KCNH2: variants seen among roughly 807,000 people sequenced by gnomAD.
KCNH2 encodes potassium voltage-gated channel subfamily H member 2.
In KCNH2, 35 loss-of-function variants were observed where a neutral mutation model predicts 95.9. The observed-to-expected ratio is 0.37, with a 90% CI of 0.28 to 0.48. The LOEUF (loss-of-function observed/expected upper bound fraction) is 0.48, where lower values mean the gene tolerates loss of function less well. KCNH2 is among the 20% of genes least tolerant of loss of function. KCNH2 has a pLI of 0.99. For synonymous variants in KCNH2, 786 were observed against 754.7 expected (o/e 1.04, Z -0.68); for missense variants, 1,274 against 1,702.9 (o/e 0.75, Z 4.43).
At chr7:150,973,166 G>A (rs1801883469) in intron 2 of KCNH2, among the ~76,000 whole-genome samples, 1 of 152,168 alleles carries the variant, frequency 6.6e-6, no homozygotes, top group African/African-American at 2.4e-5. Flanking sequence ...CAGGACTTAT[G>A]GGTTCATATT....
rs761585108 is a variant in KCNH2 at position 150,947,640 on chromosome 7, G to C, written c.2931C>G (p.Cys977Trp). The C allele has an allele frequency of 3.7e-6, 6 of 1,612,130 alleles. No homozygotes were observed. In the East Asian group the frequency reaches 8.9e-5, roughly 24 times the overall value. The stretch of plus-strand genomic sequence containing the variant: ...GGTTGCAAGTGTCGCTGCTCTTCTC[G>C]CAGTCCTCCATCAGGGGCTCCCCAC... ...PPGGEPLMED[C>W]EKSSDTCNPL... Residue 977 changes from cysteine to tryptophan, a missense_variant, in exon 12 of 15, where the codon TGC (cysteine) becomes TGG (tryptophan). By Grantham distance (215) the Cys-to-Trp change is radical. Transcript: ENST00000262186.
chr7:150,948,662 C>T (rs1801016815), intron 10 of KCNH2, 119 bp from the exon 11 acceptor site: 3 of 1,114,600 alleles, frequency 2.7e-6, no homozygotes, highest in Non-Finnish European at 4.0e-6. Context: ...TCTGGGAAAA[C>T]CCTTCCCTGC....
chr7:150,948,960 G>C lies in KCNH2; in HGVS notation c.2488C>G (p.Leu830Val). The part of the protein sequence containing the change: ...GDVRALTYCD[L>V]HKIHRDDLLE... ...AGGTCGTCCCGATGGATCTTGTGTA[G>C]GTCACAGTAGGTGAGGGCCCGCACA... Residue 830 changes from leucine (L) to valine (V), a missense_variant, in exon 10 of 15, where the codon CTA (leucine) becomes GTA (valine). This residue lies in a region of KCNH2 where 159 missense variants were observed against 282.5 expected (regional missense o/e 0.56). Coordinates refer to ENST00000262186, the MANE Select transcript of KCNH2 (RefSeq NM_000238.4). The C allele has an allele frequency of 6.2e-7, 1 of 1,614,210 alleles. No individual in the cohort carries two copies. Among genetic ancestry groups the C allele is most frequent in the Non-Finnish European group, 8.5e-7 (1 of 1,180,036 alleles).
At chr7:150,948,798 G>C in intron 10 of KCNH2, 58 bp downstream of exon 10, 1 of 1,482,272 alleles carries the variant, frequency 6.7e-7, no homozygotes, top group Non-Finnish European at 9.4e-7. Context: ...CACAGCAAAG[G>C]GGCAGCCACA....
intron 2 of KCNH2, among the ~76,000 whole-genome samples, chr7:150,960,298 C>T (rs1177554208): frequency 1.3e-5 from 2 of 152,148 alleles, no homozygotes; most frequent in Non-Finnish European, 2.9e-5. Flanking sequence ...AATTTTTTAA[C>T]TTTTTAATTG....
chr7:150,946,775 G>A lies in KCNH2; in HGVS notation c.3330+102C>T. 1 of 1,129,906 alleles carries A rather than the reference G, an allele frequency of 8.9e-7. No homozygotes were observed. Among genetic ancestry groups the A allele is most frequent in the Non-Finnish European group, 1.3e-6 (1 of 783,792 alleles). 70.0% of individuals were successfully genotyped at this position (1,129,906 alleles called of 1,614,324 possible). A position where few individuals can be genotyped will look rare whatever the true frequency, so the allele number is the denominator to read the frequency against. ...GAGGGCAGGAACAAGGTTCAGGGAG[G>A]CTGGGCCACAGAGCCCAGCAGAAAG... On this transcript the variant is annotated intron_variant, in intron 14 of 14. Coordinates refer to ENST00000262186, the MANE Select transcript of KCNH2 (RefSeq NM_000238.4). This position sits in a 1 kb window ranked among gnomAD's most constrained non-coding sequence, Gnocchi z 6.5.
chr7:150,956,308 G>T (rs1359994831), intron 5 of KCNH2, among the ~76,000 whole-genome samples: 1 of 152,174 alleles, frequency 6.6e-6, no homozygotes, highest in African/African-American at 2.4e-5. Context: ...GTGGGCTGGA[G>T]ACCTGGCAGG....
intron 8 of KCNH2, 148 bp from the exon 9 acceptor site, chr7:150,950,568 G>A: frequency 9.0e-7 from 1 of 1,109,752 alleles, no homozygotes; most frequent in Non-Finnish European, 1.3e-6. Context: ...CCAGTGTCTT[G>A]GGAAGGACCT....
intron 1 of KCNH2, 79 bp from the exon 2 acceptor site, chr7:150,975,020 C>G: frequency 7.8e-7 from 1 of 1,275,586 alleles, no homozygotes; most frequent in Non-Finnish European, 1.1e-6. Flanking sequence ...ACATTCTCCA[C>G]TCACACAGCC....
chr7:150,947,571 C>CCGGTCCTCCCT (rs2116931064), intron 12 of KCNH2, 35 bp downstream of exon 12: 1 of 1,608,608 alleles, frequency 6.2e-7, no homozygotes, highest in Non-Finnish European at 8.5e-7. Context: ...GCTGCCACGC[C>CCGGTCCTCCCT]CGGTCCTCCC....
rs552271627 is a variant in KCNH2 at position 150,946,306 on chromosome 7, G to A, written c.3330+571C>T. Among the ~76,000 whole-genome samples the A allele has an allele frequency of 6.6e-6, 1 of 152,288 alleles. No homozygotes were observed. Among genetic ancestry groups the A allele is most frequent in the African/African-American group, 2.4e-5 (1 of 41,564 alleles). ...ATCTCTAGCAGAGGGGGCAAAGCAG[G>A]CCCAGGAAGTCCTCCCCTGGAGGCT... On this transcript the variant is annotated intron_variant, in intron 14 of 14. Coordinates refer to ENST00000262186, the MANE Select transcript of KCNH2 (RefSeq NM_000238.4). The surrounding 1 kb of genome is among the most constrained non-coding windows in gnomAD (Gnocchi z 6.5).
Position 150,952,964 on chromosome 7 carries a change from G to T in KCNH2, c.1129-111C>A. 1 of 1,073,572 alleles carries T rather than the reference G, an allele frequency of 9.3e-7. No individual in the cohort carries two copies. Among genetic ancestry groups the T allele is most frequent in the Non-Finnish European group, 1.4e-6 (1 of 739,962 alleles). 66.5% of individuals were successfully genotyped at this position (1,073,572 alleles called of 1,614,324 possible). A position where few individuals can be genotyped will look rare whatever the true frequency, so the allele number is the denominator to read the frequency against. On this transcript the variant is annotated intron_variant, in intron 5 of 14. Transcript: ENST00000262186. The surrounding 1 kb of genome is among the most constrained non-coding windows in gnomAD (Gnocchi z 7.3). Reference sequence around the variant, plus strand: ...CAGAATGAGGAGGAGGCCAAAAAAAGCTTCCATCAGAATGCCCACCCCTCA... The same window carrying T: ...CAGAATGAGGAGGAGGCCAAAAAAATCTTCCATCAGAATGCCCACCCCTCA...
chr7:150,963,062 C>T (rs1260747715), intron 2 of KCNH2, among the ~76,000 whole-genome samples: 3 of 152,230 alleles, frequency 2.0e-5, no homozygotes, highest in Non-Finnish European at 4.4e-5. Context: ...CCCACCGACT[C>T]GCCCTGGCTC....
At chr7:150,970,826 TCTC>T (rs966373222) in intron 2 of KCNH2, among the ~76,000 whole-genome samples, 33 of 152,232 alleles carry the variant, frequency 2.2e-4, no homozygotes, top group African/African-American at 7.7e-4. Context: ...CAGGAAAAGT[TCTC>T]CTGTGTCTAA....
intron 2 of KCNH2, among the ~76,000 whole-genome samples, chr7:150,969,802 G>T (rs1227125681): frequency 2.0e-5 from 3 of 152,232 alleles, no homozygotes; most frequent in African/African-American, 7.2e-5. Flanking sequence ...GACCAAGGCT[G>T]CCTGGCTCCC....
Position 150,958,438 on chromosome 7 carries a change from C to T in KCNH2, c.537G>A (p.Ser179=). 4 of 1,462,776 alleles carry T rather than the reference C, an allele frequency of 2.7e-6. No individual in the cohort carries two copies. The highest frequency in any genetic ancestry group is 3.6e-6 in the Non-Finnish European group (4 of 1,114,502). The allele number at this position is 1,462,776 out of a possible 1,614,324, so 90.6% of individuals were successfully genotyped here. ...ALLALTARES[S]VRSGGAGGAG... ...CGCCGCCCGCGCCGCCCGACCGCAC[C>T]GACGACTCCCGGGCCGTCAGCGCCA... is the stretch of plus-strand genomic sequence containing the variant. Residue 179 remains serine, a synonymous_variant, in exon 4 of 15, where the codon TCG becomes TCA. Transcript: ENST00000262186.
In KCNH2 at chr7:150,955,743, G is replaced by A. The variant is rs922964638; in HGVS notation, c.1128+1548C>T. The A allele has an allele frequency of 2.4e-5, 30 of 1,275,504 alleles. No homozygotes were observed. In the East Asian group the frequency reaches 2.5e-4, roughly 11 times the overall value. The allele number at this position is 1,275,504 out of a possible 1,614,324, so 79.0% of individuals were successfully genotyped here. On this transcript the variant is annotated intron_variant, in intron 5 of 14. Transcript: ENST00000262186. ...CTCGAGCTGCCCATGGCCCCGTGGC[G>A]TGGGCCCTGCTGCCAGGGTGCCGTG...
intron 5 of KCNH2, among the ~76,000 whole-genome samples, chr7:150,954,647 C>T (rs1240024392): frequency 6.6e-6 from 1 of 152,232 alleles, no homozygotes; most frequent in Non-Finnish European, 1.5e-5. Flanking sequence ...GTACCTGTCC[C>T]CCAGCTGGAA....
At chr7:150,959,843 C>G in intron 2 of KCNH2, 107 bp from the exon 3 acceptor site, 1 of 1,210,308 alleles carries the variant, frequency 8.3e-7, no homozygotes, top group Non-Finnish European at 1.2e-6. Context: ...ACTTCTGCCT[C>G]CCCGTATGGC....
Sources: allele counts gnomAD v4.1 joint callset (sites outside exome capture counted in the v4.1 genomes callset), GRCh38; gene constraint gnomAD v4.1.1; regional missense constraint gnomAD v4.1.1; non-coding constraint Gnocchi (gnomAD v3.1); transcripts MANE v1.5; gene names NCBI Gene and HGNC (gene_info 2026-07-23, HGNC 2026-07-21).